Variants in CDH7 observed in about 807,000 individuals in gnomAD.
The protein encoded by CDH7 is cadherin 7.
Under a neutral mutation model 71.8 loss-of-function variants are expected in CDH7, and 25 were observed. The observed-to-expected ratio is 0.35, with a 90% CI of 0.25 to 0.49. CDH7 has a LOEUF of 0.49. CDH7 is among the 20% of genes least tolerant of loss of function. CDH7 has a pLI of 0.99. For synonymous variants in CDH7, 381 were observed against 363.8 expected (o/e 1.05, Z -0.54); for missense variants, 862 against 974.6 (o/e 0.88, Z 1.54).
chr18:65,863,927 A>G (rs1180555878), intron 11 of CDH7: 1 of 152,228 alleles, frequency 6.6e-6, no homozygotes, highest in Admixed American at 6.5e-5. Flanking sequence ...CAACAAGAAC[A>G]GAGTAAACAT....
At chr18:65,846,620 A>G (rs909272373) in intron 7 of CDH7, among the ~76,000 whole-genome samples, 29 of 152,090 alleles carry the variant, frequency 1.9e-4, no homozygotes, top group African/African-American at 6.3e-4. Context: ...ATCCATTTAT[A>G]TAATATCCCT....
intron 2 of CDH7, among the ~76,000 whole-genome samples, chr18:65,771,039 C>T (rs1260126096): frequency 6.6e-6 from 1 of 152,140 alleles, no homozygotes; most frequent in Non-Finnish European, 1.5e-5. Flanking sequence ...CATGTCCTCA[C>T]ATGGCAGAAG....
chr18:65,846,286 T>C (rs1026489933), intron 7 of CDH7, among the ~76,000 whole-genome samples: 1 of 152,034 alleles, frequency 6.6e-6, no homozygotes, highest in East Asian at 1.9e-4. Context: ...TCTGTGGTCT[T>C]TATCAGTGAA....
chr18:65,874,566 G>A (rs1203770745), intron 11 of CDH7, among the ~76,000 whole-genome samples: 2 of 151,968 alleles, frequency 1.3e-5, no homozygotes, highest in African/African-American at 4.8e-5. Flanking sequence ...TACCTGTTGA[G>A]TACAGTGTTC....
intron 2 of CDH7, among the ~76,000 whole-genome samples, chr18:65,766,626 A>G (rs1416358980): frequency 6.6e-6 from 1 of 152,040 alleles, no homozygotes; most frequent in African/African-American, 2.4e-5. Context: ...GTTCTGTTTT[A>G]AAAAATAATA....
chr18:65,888,387 TC>T lies in CDH7; in HGVS notation c.*7495del, dbSNP rs1375325802. Reference sequence around the variant, plus strand: ...GTAAGATACATAGAAGAAAATAATTTCCGCAATTCTTGGTACCTCAAAAGAC... The same window carrying T: ...GTAAGATACATAGAAGAAAATAATTTCGCAATTCTTGGTACCTCAAAAGAC... On this transcript the variant is annotated 3_prime_UTR_variant, in exon 12 of 12. Transcript: ENST00000397968. 6.6e-6 allele frequency: 1 copy of T among 152,122 alleles called. No individual in the cohort carries two copies. Among genetic ancestry groups the T allele is most frequent in the African/African-American group, 2.4e-5 (1 of 41,416 alleles). 9.4% of individuals were successfully genotyped at this position (152,122 alleles called of 1,614,324 possible). A position where few individuals can be genotyped will look rare whatever the true frequency, so the allele number is the denominator to read the frequency against.
At chr18:65,807,140 A>G (rs576390670) in intron 2 of CDH7, among the ~76,000 whole-genome samples, 1 of 151,994 alleles carries the variant, frequency 6.6e-6, no homozygotes, top group Admixed American at 6.6e-5. Context: ...ATGGGTAGGT[A>G]ATAGAAGAGA....
intron 11 of CDH7, among the ~76,000 whole-genome samples, chr18:65,868,761 A>G (rs1203462377): frequency 2.0e-5 from 3 of 152,196 alleles, no homozygotes; most frequent in African/African-American, 7.2e-5. Context: ...TAAACCATTC[A>G]TTGTACTTAG....
intron 6 of CDH7, among the ~76,000 whole-genome samples, chr18:65,835,312 G>T (rs901294946): frequency 3.3e-5 from 5 of 152,172 alleles, no homozygotes; most frequent in African/African-American, 7.2e-5. Context: ...AAGCAATAAA[G>T]TATTGTGGAC....
intron 6 of CDH7, among the ~76,000 whole-genome samples, chr18:65,825,163 A>T (rs1281389511): frequency 6.6e-6 from 1 of 151,928 alleles, no homozygotes; most frequent in African/African-American, 2.4e-5. Context: ...ATGAAACCCT[A>T]AATTCAACCA....
At chr18:65,812,274 C>A (rs114478703) in intron 3 of CDH7, among the ~76,000 whole-genome samples, 2,438 of 151,928 alleles carry the variant, frequency 0.016, 54 homozygotes, top group African/African-American at 0.055. Flanking sequence ...CACAGTGCTT[C>A]AATAATTTAT....
At position 65,781,860 on chromosome 18, in the gene CDH7, T is replaced by A. The variant is rs868067986; in HGVS notation, c.210+18808T>A. Among the ~76,000 whole-genome samples the A allele has an allele frequency of 7.3e-4, 51 of 70,338 alleles. 6 individuals are homozygous for A. Among genetic ancestry groups the A allele is most frequent in the African/African-American group, 5.6e-3 (45 of 7,984 alleles). 46.1% of individuals were successfully genotyped at this position (70,338 alleles called of 152,430 possible). ...TTTCTTTCTTTCTTTCTTTCTTTCT[T>A]TCTTTCTCTCTCTCTCTCTGTCTCT... is the stretch of plus-strand genomic sequence containing the variant. On this transcript the variant is annotated intron_variant, in intron 2 of 11. Transcript: ENST00000397968.
At chr18:65,788,397 A>G (rs561084821) in intron 2 of CDH7, among the ~76,000 whole-genome samples, 4 of 152,362 alleles carry the variant, frequency 2.6e-5, no homozygotes, top group South Asian at 4.2e-4. Flanking sequence ...TAAGTAACAT[A>G]TAAAAAATAT....
chr18:65,864,873 A>G lies in CDH7; in HGVS notation c.1864+1956A>G, dbSNP rs545012374. Among the ~76,000 whole-genome samples, 13 of 146,332 alleles carry G rather than the reference A, an allele frequency of 8.9e-5. No individual in the cohort carries two copies. In the South Asian group the frequency reaches 2.9e-3, roughly 33 times the overall value. On this transcript the variant is annotated intron_variant, in intron 11 of 11. Transcript: ENST00000397968. ...GCCACTGCACTCCAGCCTGGATGAC[A>G]GAGCGAGACTCCATCTAAAAAAAAA...
intron 2 of CDH7, among the ~76,000 whole-genome samples, chr18:65,774,665 A>G (rs1909870130): frequency 6.6e-6 from 1 of 151,940 alleles, no homozygotes; most frequent in Non-Finnish European, 1.5e-5. Flanking sequence ...CTCATATCTC[A>G]GATAATGTTG....
At chr18:65,829,128 G>GT (rs371869060) in intron 6 of CDH7, among the ~76,000 whole-genome samples, 2,454 of 147,030 alleles carry the variant, frequency 0.017, 75 homozygotes, top group Middle Eastern at 0.024. Flanking sequence ...GTTTTGTTTT[G>GT]TTTTGTTTTG....
intron 2 of CDH7, among the ~76,000 whole-genome samples, chr18:65,806,160 T>TC (rs1333041084): frequency 2.6e-5 from 4 of 152,166 alleles, no homozygotes; most frequent in Non-Finnish European, 5.9e-5. Context: ...ATTTCTTACA[T>TC]ATTAATACAT....
chr18:65,804,699 C>CGTGT (rs56242508), intron 2 of CDH7, among the ~76,000 whole-genome samples: 28,562 of 148,688 alleles, frequency 0.19, 3,264 homozygotes, highest in Non-Finnish European at 0.26. Flanking sequence ...CCTTAACACA[C>CGTGT]GTGTGTGTGT....
Position 65,857,725 on chromosome 18 carries a change from G to C in CDH7, c.1236-91G>C. The stretch of plus-strand genomic sequence containing the variant: ...CAGATCAGAGAGTCAGTAGGATTTA[G>C]TAATGAGCTACACAAATAATGAAAT... On this transcript the variant is annotated intron_variant, in intron 7 of 11. Coordinates refer to ENST00000397968, the MANE Select transcript of CDH7 (RefSeq NM_004361.5). 2.4e-6 allele frequency: 3 copies of C among 1,254,542 alleles called. 1 individual carries two copies. The South Asian group carries it at 4.0e-5, about 17-fold the overall frequency. 77.7% of individuals were successfully genotyped at this position (1,254,542 alleles called of 1,614,324 possible). A position where few individuals can be genotyped will look rare whatever the true frequency, so the allele number is the denominator to read the frequency against.
Sources: gnomAD v4.1 joint callset for allele counts (sites outside exome capture counted in the v4.1 genomes callset) on GRCh38, gnomAD v4.1.1 for gene constraint, MANE v1.5 for transcripts, NCBI Gene and HGNC (gene_info 2026-07-23, HGNC 2026-07-21) for gene names.